Variants in ADAMTS17 observed in about 807,000 individuals in gnomAD.
ADAMTS17 encodes A disintegrin and metalloproteinase with thrombospondin motifs 17.
ADAMTS17 carries 113 observed loss-of-function variants against 141.5 expected under a neutral mutation model. The ratio of observed to expected loss-of-function variants is 0.80; its 90% CI spans 0.69 to 0.93. The LOEUF (loss-of-function observed/expected upper bound fraction) is 0.93, where lower values mean the gene tolerates loss of function less well. ADAMTS17 is among the 40% of genes least tolerant of loss of function. The probability of loss-of-function intolerance (pLI) is 0.00; values close to 1 mark genes in which losing one functional copy is unlikely to be tolerated. For synonymous variants in ADAMTS17, 768 were observed against 630.6 expected, an observed-to-expected ratio of 1.22 and a Z score of -3.27; for missense variants, 1,659 against 1,517.9, an observed-to-expected ratio of 1.09 and a Z score of -1.54.
chr15:100,341,770 G>T (rs532850522), intron 1 of ADAMTS17, 51 bp downstream of exon 1: 2 of 1,537,676 alleles, frequency 1.3e-6, no homozygotes, highest in Non-Finnish European at 1.8e-6. Context: ...AACGCAGAGG[G>T]AAGGTAGCCG....
intron 18 of ADAMTS17, among the ~76,000 whole-genome samples, chr15:100,018,181 A>T (rs2061328001): frequency 7.2e-6 from 1 of 139,562 alleles, no homozygotes; most frequent in Admixed American, 6.7e-5. Context: ...TCCTTCTGTG[A>T]CGGGTTTTCA....
At chr15:100,048,555 G>T (rs1019629688) in intron 18 of ADAMTS17, among the ~76,000 whole-genome samples, 1 of 150,388 alleles carries the variant, frequency 6.6e-6, no homozygotes, top group Non-Finnish European at 1.5e-5. Flanking sequence ...AGTAATTTGG[G>T]GAAGCCAATG....
intron 15 of ADAMTS17, among the ~76,000 whole-genome samples, chr15:100,087,267 A>T (rs191889778): frequency 1.3e-5 from 2 of 152,238 alleles, no homozygotes; most frequent in East Asian, 1.9e-4. Flanking sequence ...CAACACATAC[A>T]CCCTCCCAAG....
intron 21 of ADAMTS17, 124 bp downstream of exon 21, chr15:99,975,921 C>T (rs959420931): frequency 6.5e-6 from 7 of 1,081,526 alleles, no homozygotes; most frequent in South Asian, 4.9e-5. Context: ...CAAATGTCAG[C>T]CTTATGTGAC....
At chr15:100,099,053 C>T (rs2035938492) in intron 14 of ADAMTS17, among the ~76,000 whole-genome samples, 1 of 152,218 alleles carries the variant, frequency 6.6e-6, no homozygotes, top group Non-Finnish European at 1.5e-5. Flanking sequence ...TTTCCTGATT[C>T]AACAGCTTCT....
intron 14 of ADAMTS17, among the ~76,000 whole-genome samples, chr15:100,101,088 G>C (rs558329295): frequency 6.6e-5 from 10 of 152,104 alleles, no homozygotes; most frequent in African/African-American, 2.4e-4. Flanking sequence ...GCCAGCCTCC[G>C]CCCTCGTCTG....
intron 7 of ADAMTS17, among the ~76,000 whole-genome samples, chr15:100,248,802 A>ATTT (rs56163057): frequency 3.5e-5 from 5 of 141,712 alleles, no homozygotes; most frequent in African/African-American, 7.7e-5. Context: ...TCTGGTGTTA[A>ATTT]TTTTTTTTTT....
chr15:100,152,503 T>C (rs2039217808), intron 10 of ADAMTS17, 109 bp downstream of exon 10: 2 of 1,435,896 alleles, frequency 1.4e-6, no homozygotes, highest in Non-Finnish European at 1.9e-6. Flanking sequence ...TGTGTGTGTA[T>C]GTGCCTGTGC....
intron 6 of ADAMTS17, among the ~76,000 whole-genome samples, chr15:100,255,542 G>A (rs1039978107): frequency 1.3e-5 from 2 of 151,422 alleles, no homozygotes; most frequent in Admixed American, 6.6e-5. Flanking sequence ...AGAGCCATGG[G>A]TGTGCTCACT....
intron 3 of ADAMTS17, among the ~76,000 whole-genome samples, chr15:100,312,239 G>A (rs943619690): frequency 1.9e-4 from 29 of 152,324 alleles, no homozygotes; most frequent in African/African-American, 6.7e-4. Flanking sequence ...AGATGAGGGA[G>A]GCAGAGGGAA....
At chr15:100,293,652 C>A (rs1380695617) in intron 3 of ADAMTS17, among the ~76,000 whole-genome samples, 2 of 152,132 alleles carry the variant, frequency 1.3e-5, no homozygotes, top group Non-Finnish European at 2.9e-5. Context: ...CGCCTCCTGG[C>A]CACCTACCCC....
At chr15:100,287,282 T>C (rs1359994197) in intron 3 of ADAMTS17, among the ~76,000 whole-genome samples, 2 of 152,122 alleles carry the variant, frequency 1.3e-5, no homozygotes, top group African/African-American at 2.4e-5. Flanking sequence ...TACACCAAGT[T>C]GAGGAAGGAA....
chr15:100,164,802 G>A (rs1031351552), intron 8 of ADAMTS17, among the ~76,000 whole-genome samples: 3 of 152,202 alleles, frequency 2.0e-5, no homozygotes, highest in Non-Finnish European at 4.4e-5. Flanking sequence ...TTTAGGGACT[G>A]TGGTAAGACT....
chr15:100,191,638 T>C (rs1650334376), intron 8 of ADAMTS17, among the ~76,000 whole-genome samples: 5 of 152,230 alleles, frequency 3.3e-5, no homozygotes, highest in South Asian at 2.1e-4. Flanking sequence ...ACTGTGAGAA[T>C]TGCTGCAGAC....
intron 8 of ADAMTS17, among the ~76,000 whole-genome samples, chr15:100,181,008 T>A (rs1233999809): frequency 6.6e-6 from 1 of 152,184 alleles, no homozygotes; most frequent in Non-Finnish European, 1.5e-5. Context: ...CTACTGCAGC[T>A]AAGCTGACAC....
At chr15:100,250,166 T>C (rs1039673959) in intron 7 of ADAMTS17, among the ~76,000 whole-genome samples, 1 of 152,234 alleles carries the variant, frequency 6.6e-6, no homozygotes, top group Non-Finnish European at 1.5e-5. Context: ...AAGATGAGTA[T>C]AAGCATAAAT....
intron 15 of ADAMTS17, among the ~76,000 whole-genome samples, chr15:100,061,945 G>A (rs2033153345): frequency 6.6e-6 from 1 of 152,230 alleles, no homozygotes; most frequent in South Asian, 2.1e-4. Flanking sequence ...CCAGCTGGTG[G>A]GGCTTCCAAT....
chr15:100,018,221 T>C (rs2061329998), intron 18 of ADAMTS17, among the ~76,000 whole-genome samples: 1 of 152,246 alleles, frequency 6.6e-6, no homozygotes, highest in Non-Finnish European at 1.5e-5. Context: ...TGTGCATCTG[T>C]GTCGTAGCCT....
chr15:100,215,418 G>A (rs931964266), intron 7 of ADAMTS17, among the ~76,000 whole-genome samples: 6 of 152,170 alleles, frequency 3.9e-5, no homozygotes, highest in Non-Finnish European at 7.3e-5. Flanking sequence ...CATTGTCATG[G>A]CAGAAGGAAC....
Sources: allele counts gnomAD v4.1 joint callset (sites outside exome capture counted in the v4.1 genomes callset), GRCh38; gene constraint gnomAD v4.1.1; transcripts MANE v1.5; gene names NCBI Gene and HGNC (gene_info 2026-07-23, HGNC 2026-07-21).